The following ABI1 variants were observed in gnomAD, a reference collection of about 807,000 sequenced individuals.
ABI1 encodes the protein Abelson interactor 1.
ABI1 carries 14 observed loss-of-function variants against 54.6 expected under a neutral mutation model. That is an observed-to-expected ratio of 0.26 (90% CI 0.17 to 0.40). The LOEUF (loss-of-function observed/expected upper bound fraction) is 0.40. Among genes scored for constraint, ABI1 ranks in the 10% least tolerant of loss-of-function variants. ABI1 has a pLI of 1.00. For missense variants in ABI1, 443 were observed against 598.3 expected (o/e 0.74, Z 2.71); for synonymous variants, 194 against 209.3 (o/e 0.93, Z 0.63).
At chr10:26,838,127 G>A (rs997292269) in intron 1 of ABI1, among the ~76,000 whole-genome samples, 3 of 150,376 alleles carry the variant, frequency 2.0e-5, no homozygotes, top group Non-Finnish European at 3.0e-5. Context: ...GCGTTCAAGC[G>A]ATTCTAATGC....
chr10:26,768,647 T>A (rs1476452951), intron 6 of ABI1, among the ~76,000 whole-genome samples: 1 of 152,092 alleles, frequency 6.6e-6, no homozygotes, highest in East Asian at 1.9e-4. Context: ...TACAAATAGA[T>A]GTTTTAAAAA....
chr10:26,821,871 A>C (rs914643635), intron 2 of ABI1, among the ~76,000 whole-genome samples: 8 of 152,196 alleles, frequency 5.3e-5, no homozygotes, highest in African/African-American at 1.9e-4. Context: ...AATTTAGGTG[A>C]AATAGCTAAA....
intron 7 of ABI1, among the ~76,000 whole-genome samples, chr10:26,764,420 G>T (rs888465749): frequency 6.2e-4 from 95 of 152,052 alleles, no homozygotes; most frequent in African/African-American, 2.1e-3. Context: ...GAATATCATA[G>T]ATAAATGTAG....
chr10:26,778,629 T>C (rs1257098180), intron 2 of ABI1, among the ~76,000 whole-genome samples: 2 of 152,122 alleles, frequency 1.3e-5, no homozygotes, highest in African/African-American at 4.8e-5. Flanking sequence ...AAAAATGCTA[T>C]CCCAATTCCA....
chr10:26,821,664 T>C (rs1252200538), intron 2 of ABI1, among the ~76,000 whole-genome samples: 1 of 152,038 alleles, frequency 6.6e-6, no homozygotes, highest in East Asian at 1.9e-4. Flanking sequence ...CCAGGCGTGG[T>C]GGCGAGCGCC....
chr10:26,843,577 C>A (rs1179715461), intron 1 of ABI1, among the ~76,000 whole-genome samples: 1 of 142,960 alleles, frequency 7.0e-6, no homozygotes, highest in Non-Finnish European at 1.5e-5. Context: ...TTGCAATTCT[C>A]CTCAGTGATG....
chr10:26,766,133 A>G (rs1839926590), intron 6 of ABI1, among the ~76,000 whole-genome samples: 1 of 151,194 alleles, frequency 6.6e-6, no homozygotes, highest in Non-Finnish European at 1.5e-5. Context: ...AAGAAAGGTG[A>G]TAACATAGGG....
chr10:26,748,672 A>G lies in ABI1; in HGVS notation c.1344T>C (p.Val448=). The part of the protein sequence containing the change: ...LSFMEGAIIY[V]IKKNDDGWYE... ...ACCAGCCATCATCATTCTTCTTTAT[A>G]ACATAAATGATTGCACCCTCCATAA... Residue 448 remains valine, a synonymous_variant, in exon 11 of 11, where the codon GTT becomes GTC. Transcript: ENST00000376140. The G allele has an allele frequency of 6.2e-7, 1 of 1,613,472 alleles. No individual in the cohort carries two copies. Among genetic ancestry groups the G allele is most frequent in the East Asian group, 2.2e-5 (1 of 44,818 alleles).
At chr10:26,800,791 G>GGCCAAGGC in intron 2 of ABI1, among the ~76,000 whole-genome samples, 1 of 152,094 alleles carries the variant, frequency 6.6e-6, no homozygotes, top group Non-Finnish European at 1.5e-5. Context: ...AGCACTTTGG[G>GGCCAAGGC]AGGTCGGGAG....
Position 26,748,543 on chromosome 10 carries a change from GAATCTACTTCA to G in ABI1, c.*16_*26del. On this transcript the variant is annotated 3_prime_UTR_variant, in exon 11 of 11. Coordinates refer to ENST00000376140, the MANE Select transcript of ABI1 (RefSeq NM_001012750.3). ...GTCCCACAGTATGACTGAGTAATAA[GAATCTACTTCA>G]AAAGAAAAAAAAAAATTAATCAGTA... The G allele has an allele frequency of 6.5e-7, 1 of 1,541,466 alleles. No individual in the cohort carries two copies. The highest frequency in any genetic ancestry group is 1.2e-5 in the South Asian group (1 of 84,804).
chr10:26,801,477 G>A (rs577465308), intron 2 of ABI1, among the ~76,000 whole-genome samples: 5 of 152,118 alleles, frequency 3.3e-5, no homozygotes, highest in Non-Finnish European at 5.9e-5. Context: ...AGCCCGGGAC[G>A]CAGAGGTTGC....
chr10:26,829,350 A>T (rs1290891055), intron 1 of ABI1, among the ~76,000 whole-genome samples: 1 of 152,134 alleles, frequency 6.6e-6, no homozygotes, highest in Admixed American at 6.6e-5. Context: ...ACCACCTATA[A>T]TCCGTATAGT....
intron 9 of ABI1, 139 bp from the exon 10 acceptor site, chr10:26,751,922 G>C (rs1837686546): frequency 2.5e-6 from 2 of 808,004 alleles, no homozygotes; most frequent in Non-Finnish European, 3.7e-6. Flanking sequence ...ATAAAAGCTT[G>C]GTGTGTTAAA....
intron 3 of ABI1, among the ~76,000 whole-genome samples, chr10:26,772,592 T>C (rs996898969): frequency 6.6e-6 from 1 of 152,204 alleles, no homozygotes; most frequent in Non-Finnish European, 1.5e-5. Flanking sequence ...TAACCTCTTA[T>C]GAAGTTCGGC....
intron 8 of ABI1, among the ~76,000 whole-genome samples, chr10:26,757,063 A>C (rs1838408045): frequency 6.6e-6 from 1 of 152,172 alleles, no homozygotes; most frequent in Admixed American, 6.5e-5. Flanking sequence ...AACCTAAAAA[A>C]GTGTTTAGAA....
intron 6 of ABI1, among the ~76,000 whole-genome samples, chr10:26,765,640 GGAGGGAGGAAGGGAAAGGAGA>G (rs1839850311): frequency 6.6e-6 from 1 of 150,792 alleles, no homozygotes; most frequent in Admixed American, 6.6e-5. Context: ...AGGGAAGGAG[GGAGGGAGGAAGGGAAAGGAGA>G]GAGGGAGGGA....
chr10:26,809,410 C>T (rs983716740), intron 2 of ABI1, among the ~76,000 whole-genome samples: 2 of 150,954 alleles, frequency 1.3e-5, no homozygotes, highest in African/African-American at 2.4e-5. Flanking sequence ...GATGAAAAAA[C>T]CAGCCAAGCA....
At chr10:26,855,026 T>A (rs5004352) in intron 1 of ABI1, among the ~76,000 whole-genome samples, 38,957 of 151,868 alleles carry the variant, frequency 0.26, 5,657 homozygotes, top group South Asian at 0.43. Flanking sequence ...GACACAAAAA[T>A]AAATGCTCAT....
intron 1 of ABI1, among the ~76,000 whole-genome samples, chr10:26,856,953 T>A (rs2050867024): frequency 6.6e-6 from 1 of 152,150 alleles, no homozygotes; most frequent in Non-Finnish European, 1.5e-5. Flanking sequence ...GTCCTTGGCA[T>A]GAAAAATTCA....
Sources: allele counts gnomAD v4.1 joint callset (sites outside exome capture counted in the v4.1 genomes callset), GRCh38; gene constraint gnomAD v4.1.1; transcripts MANE v1.5; gene names NCBI Gene and HGNC (gene_info 2026-07-23, HGNC 2026-07-21).